Variants in ITGAE observed in about 807,000 individuals in gnomAD.
ITGAE encodes integrin alpha-E.
A neutral mutation model predicts 136.5 loss-of-function variants in ITGAE; 99 were observed. That is an observed-to-expected ratio of 0.73 (90% CI 0.62 to 0.86). The LOEUF is 0.86. ITGAE is among the 40% of genes least tolerant of loss of function. ITGAE has a pLI of 0.00. For synonymous variants in ITGAE, 613 were observed against 591.8 expected (o/e 1.04, Z -0.52); for missense variants, 1,447 against 1,515.3 (o/e 0.95, Z 0.75).
At chr17:3,769,366 G>A (rs1440817925) in intron 2 of ITGAE, among the ~76,000 whole-genome samples, 2 of 146,614 alleles carry the variant, frequency 1.4e-5, no homozygotes, top group East Asian at 2.0e-4. Context: ...CCTGGACTGC[G>A]CGTTCCCAGG....
At chr17:3,776,200 C>T (rs753214078) in intron 2 of ITGAE, among the ~76,000 whole-genome samples, 15 of 151,394 alleles carry the variant, frequency 9.9e-5, no homozygotes, top group Non-Finnish European at 2.1e-4. Context: ...TGGGACTACG[C>T]GCGTGTACCA....
At chr17:3,800,837 G>T (rs182361201) in intron 1 of ITGAE, among the ~76,000 whole-genome samples, 3 of 152,178 alleles carry the variant, frequency 2.0e-5, no homozygotes, top group African/African-American at 7.2e-5. Context: ...GTGGCGGGGG[G>T]AGGCTGGCTG....
intron 17 of ITGAE, 22 bp from the exon 18 acceptor site, chr17:3,745,949 T>C: frequency 6.2e-7 from 1 of 1,606,596 alleles, no homozygotes. Context: ...GACCAGACCT[T>C]CCCGATGAGG....
At chr17:3,750,232 T>G (rs2051829522) in intron 16 of ITGAE, 120 bp downstream of exon 16, 1 of 1,399,760 alleles carries the variant, frequency 7.1e-7, no homozygotes, top group Non-Finnish European at 9.7e-7. Context: ...CCAGAGCCTG[T>G]GCCCACAACC....
At chr17:3,772,842 G>A (rs2052458782) in intron 2 of ITGAE, among the ~76,000 whole-genome samples, 1 of 152,126 alleles carries the variant, frequency 6.6e-6, no homozygotes, top group Non-Finnish European at 1.5e-5. Flanking sequence ...GTCGAGCTCT[G>A]TCTCCCCTGC....
At chr17:3,767,178 C>T (rs2052320349) in intron 2 of ITGAE, among the ~76,000 whole-genome samples, 1 of 151,950 alleles carries the variant, frequency 6.6e-6, no homozygotes, top group African/African-American at 2.4e-5. Context: ...CTCACTGCAA[C>T]CTCCACCTCC....
At chr17:3,725,867 C>A in intron 26 of ITGAE, 1 of 1,610,308 alleles carries the variant, frequency 6.2e-7, no homozygotes, top group Non-Finnish European at 8.5e-7. Flanking sequence ...CATCACTGCG[C>A]TTTGAGCACC....
chr17:3,755,430 C>T (rs2051996803), intron 11 of ITGAE, among the ~76,000 whole-genome samples, 169 bp from the exon 12 acceptor site: 1 of 152,238 alleles, frequency 6.6e-6, no homozygotes, highest in African/African-American at 2.4e-5. Context: ...AGATGGCCAA[C>T]ACTGGGCTCC....
intron 26 of ITGAE, chr17:3,724,156 G>T: frequency 6.3e-7 from 1 of 1,594,540 alleles, no homozygotes; most frequent in Non-Finnish European, 8.5e-7. Flanking sequence ...TTCCCCGGCA[G>T]CCCGGTGAGG....
chr17:3,752,018 A>C, intron 14 of ITGAE, 144 bp from the exon 15 acceptor site: 2 of 694,420 alleles, frequency 2.9e-6, no homozygotes, highest in African/African-American at 1.9e-5. Context: ...GTGGGTTCCC[A>C]CTCCATTGCC....
chr17:3,751,912 G>C (rs891597094), intron 14 of ITGAE, 38 bp from the exon 15 acceptor site: 12 of 1,555,238 alleles, frequency 7.7e-6, no homozygotes, highest in Non-Finnish European at 9.8e-6. Flanking sequence ...TCAAGAAGGG[G>C]TGCTAGGTGC....
chr17:3,762,673 C>T (rs1450742637), intron 3 of ITGAE, among the ~76,000 whole-genome samples: 1 of 148,218 alleles, frequency 6.7e-6, no homozygotes, highest in Non-Finnish European at 1.5e-5. Context: ...TCTCGGCTCA[C>T]TGCAAGCTCC....
chr17:3,719,540 C>T (rs2051009127), intron 29 of ITGAE, among the ~76,000 whole-genome samples: 1 of 152,142 alleles, frequency 6.6e-6, no homozygotes. Context: ...AAATCACAGG[C>T]ATCAGTCTGA....
rs2050999265 is a variant in ITGAE, at chr17:3,719,234, T to TAAAAAAAAAAAAA, written c.3333+1072_3333+1073insTTTTTTTTTTTTT. On this transcript the variant is annotated intron_variant, in intron 29 of 30. Transcript: ENST00000263087. ...CTGGGCGACACAGTGAGATTCTTCC[T>TAAAAAAAAAAAAA]CAAAAAAAAAAAAAAAAAAAAAGAA... Among the ~76,000 whole-genome samples the TAAAAAAAAAAAAA allele has an allele frequency of 2.0e-4, 7 of 34,786 alleles. 1 individual carries two copies. The highest frequency in any genetic ancestry group is 8.5e-4 in the African/African-American group (7 of 8,214). The allele number at this position is 34,786 out of a possible 152,430, so 22.8% of individuals were successfully genotyped here. A position where few individuals can be genotyped will look rare whatever the true frequency, so the allele number is the denominator to read the frequency against.
At chr17:3,777,481 T>A (rs1287087988) in intron 2 of ITGAE, 59 bp downstream of exon 2, 4 of 1,548,566 alleles carry the variant, frequency 2.6e-6, no homozygotes, top group Non-Finnish European at 3.5e-6. Flanking sequence ...CTGGGGCCCA[T>A]CTCAGATTGC....
chr17:3,800,385 C>T (rs745802979), intron 1 of ITGAE, among the ~76,000 whole-genome samples: 2 of 152,206 alleles, frequency 1.3e-5, no homozygotes, highest in African/African-American at 2.4e-5. Flanking sequence ...GGGAAGTCTG[C>T]TCAGATCACT....
chr17:3,796,119 C>T (rs2053087692), intron 1 of ITGAE, among the ~76,000 whole-genome samples: 1 of 11,206 alleles, frequency 8.9e-5, no homozygotes. Context: ...CTGTGTGCAT[C>T]CCTGTGTGTG....
chr17:3,752,745 AGT>A (rs2051901998), intron 14 of ITGAE, among the ~76,000 whole-genome samples: 2 of 149,106 alleles, frequency 1.3e-5, no homozygotes, highest in Non-Finnish European at 3.0e-5. Context: ...AGTGAGACTC[AGT>A]CTCGGAAAAA....
intron 2 of ITGAE, among the ~76,000 whole-genome samples, chr17:3,766,806 ATAAT>A (rs2143176086): frequency 8.0e-6 from 1 of 124,978 alleles, no homozygotes; most frequent in East Asian, 2.5e-4. Flanking sequence ...AATAATAATA[ATAAT>A]AATAATAATA....
Sources: gnomAD v4.1 joint callset for allele counts (sites outside exome capture counted in the v4.1 genomes callset) on GRCh38, gnomAD v4.1.1 for gene constraint, MANE v1.5 for transcripts, NCBI Gene and HGNC (gene_info 2026-07-23, HGNC 2026-07-21) for gene names.